SH3GL3: variants seen among roughly 807,000 people sequenced by gnomAD.
SH3GL3 encodes the protein endophilin-A3.
In SH3GL3, 33 loss-of-function variants were observed where a neutral mutation model predicts 47.7. That is an observed-to-expected ratio of 0.69 (90% confidence interval 0.52 to 0.92). The LOEUF (loss-of-function observed/expected upper bound fraction) is 0.92. Among genes scored for constraint, SH3GL3 ranks in the 40% least tolerant of loss-of-function variants. The pLI, the probability that SH3GL3 is intolerant of heterozygous loss-of-function variation, is 0.00. For synonymous variants in SH3GL3, 155 were observed against 148.8 expected (o/e 1.04, Z -0.30); for missense variants, 363 against 417.8 (o/e 0.87, Z 1.14).
At chr15:83,483,612 T>A (rs892298977) in intron 1 of SH3GL3, among the ~76,000 whole-genome samples, 1 of 152,232 alleles carries the variant, frequency 6.6e-6, no homozygotes. Context: ...AATTAATGGA[T>A]GCAGCAAGGG....
At chr15:83,562,740 C>G (rs951590890) in intron 2 of SH3GL3, among the ~76,000 whole-genome samples, 2 of 152,170 alleles carry the variant, frequency 1.3e-5, no homozygotes, top group Non-Finnish European at 2.9e-5. Context: ...AGGCAAGGTA[C>G]AGGACTCCCT....
At chr15:83,616,568 A>G (rs2060824988) in intron 8 of SH3GL3, among the ~76,000 whole-genome samples, 1 of 152,164 alleles carries the variant, frequency 6.6e-6, no homozygotes, top group Non-Finnish European at 1.5e-5. Context: ...CACCAACCTA[A>G]TAGAAAAATA....
intron 8 of SH3GL3, among the ~76,000 whole-genome samples, chr15:83,615,546 A>G (rs1302648713): frequency 6.6e-6 from 1 of 152,158 alleles, no homozygotes; most frequent in East Asian, 1.9e-4. Flanking sequence ...TCCTGGCCTC[A>G]AGTGAACTGC....
chr15:83,453,605 G>A (rs1238207708), intron 1 of SH3GL3, among the ~76,000 whole-genome samples: 3 of 151,264 alleles, frequency 2.0e-5, no homozygotes, highest in East Asian at 1.9e-4. Flanking sequence ...AGAGGTGTTT[G>A]TAGTATTCTC....
intron 1 of SH3GL3, among the ~76,000 whole-genome samples, chr15:83,486,951 A>T (rs1398396227): frequency 6.6e-6 from 1 of 151,646 alleles, no homozygotes; most frequent in Admixed American, 6.6e-5. Flanking sequence ...CACCGGCCCC[A>T]TCATGGGGTC....
At chr15:83,591,294 C>CTACCATACCA (rs1376283931) in intron 8 of SH3GL3, among the ~76,000 whole-genome samples, 2 of 152,168 alleles carry the variant, frequency 1.3e-5, no homozygotes, top group Non-Finnish European at 2.9e-5. Context: ...AGGTGTTGAG[C>CTACCATACCA]TACCATACCC....
At chr15:83,536,801 G>A (rs1426943328) in intron 1 of SH3GL3, among the ~76,000 whole-genome samples, 2 of 152,026 alleles carry the variant, frequency 1.3e-5, no homozygotes, top group Admixed American at 6.5e-5. Context: ...CTTGTTTTGT[G>A]CATATGAAAT....
At chr15:83,578,982 A>G (rs2059759844) in intron 6 of SH3GL3, among the ~76,000 whole-genome samples, 1 of 152,046 alleles carries the variant, frequency 6.6e-6, no homozygotes, top group South Asian at 2.1e-4. Flanking sequence ...TCATGCGGGA[A>G]CCACAATGAT....
chr15:83,587,150 T>A, intron 7 of SH3GL3, 64 bp downstream of exon 7: 1 of 830,266 alleles, frequency 1.2e-6, no homozygotes, highest in Non-Finnish European at 2.0e-6. Flanking sequence ...GAAATCCATC[T>A]GTCTGTCTCT....
intron 1 of SH3GL3, among the ~76,000 whole-genome samples, chr15:83,547,725 C>T (rs2044472749): frequency 6.7e-6 from 1 of 148,486 alleles, no homozygotes; most frequent in Non-Finnish European, 1.5e-5. Flanking sequence ...ATTTTTCTTT[C>T]ATGTTATTAC....
At chr15:83,603,517 A>G (rs2151833084) in intron 8 of SH3GL3, among the ~76,000 whole-genome samples, 1 of 152,318 alleles carries the variant, frequency 6.6e-6, no homozygotes, top group South Asian at 2.1e-4. Flanking sequence ...CGTCTTTGCC[A>G]CACAGCTGAG....
intron 1 of SH3GL3, among the ~76,000 whole-genome samples, chr15:83,477,476 A>T (rs532299415): frequency 6.6e-6 from 1 of 152,128 alleles, no homozygotes. Flanking sequence ...TAATCAAATA[A>T]GTATGTAGAT....
In SH3GL3 at chr15:83,611,236, G is replaced by A. The variant is rs569924711; in HGVS notation, c.839-6846G>A. On this transcript the variant is annotated intron_variant, in intron 8 of 8. Coordinates refer to ENST00000427482, the MANE Select transcript of SH3GL3 (RefSeq NM_003027.5). ...TACTGACCAGCCGTCTTAAACTCTT[G>A]TGGTAGGGTCTCTCTCTCTCTCTCT... Among the ~76,000 whole-genome samples the A allele has an allele frequency of 2.0e-5, 3 of 148,544 alleles. No homozygotes were observed. In the South Asian group the frequency reaches 6.3e-4, roughly 31 times the overall value.
At chr15:83,490,044 A>G (rs1208086472) in intron 1 of SH3GL3, among the ~76,000 whole-genome samples, 5 of 152,184 alleles carry the variant, frequency 3.3e-5, no homozygotes, top group Admixed American at 6.5e-5. Context: ...GGCAGGGGGA[A>G]TCACATCGTT....
At chr15:83,628,229 A>G in the SH3GL3 span, among the ~76,000 whole-genome samples, 3 of 152,202 alleles carry the variant, frequency 2.0e-5, no homozygotes, top group African/African-American at 7.2e-5. Context: ...ATCCCTCCTT[A>G]TAGAAACTAG....
intron 1 of SH3GL3, among the ~76,000 whole-genome samples, chr15:83,476,206 A>G (rs2041088088): frequency 6.6e-6 from 1 of 152,196 alleles, no homozygotes. Flanking sequence ...AGGTCAAGTA[A>G]AATTTGCTGA....
chr15:83,614,071 T>C (rs2060747538), intron 8 of SH3GL3, among the ~76,000 whole-genome samples: 1 of 152,178 alleles, frequency 6.6e-6, no homozygotes, highest in East Asian at 1.9e-4. Context: ...ATTAATAAAG[T>C]AGACTTTGAC....
intron 1 of SH3GL3, among the ~76,000 whole-genome samples, chr15:83,471,783 T>C (rs908658776): frequency 1.3e-5 from 2 of 152,360 alleles, no homozygotes; most frequent in Middle Eastern, 6.8e-3. Flanking sequence ...TGTTTTTCTC[T>C]ATAGGTTAAG....
chr15:83,578,797 T>C (rs2059754362), intron 6 of SH3GL3, among the ~76,000 whole-genome samples: 1 of 152,156 alleles, frequency 6.6e-6, no homozygotes, highest in South Asian at 2.1e-4. Flanking sequence ...CAGATTGCCG[T>C]ATTGTTTTGA....
Sources: gnomAD v4.1 joint callset for allele counts (sites outside exome capture counted in the v4.1 genomes callset) on GRCh38, gnomAD v4.1.1 for gene constraint, MANE v1.5 for transcripts, NCBI Gene and HGNC (gene_info 2026-07-23, HGNC 2026-07-21) for gene names.